The following MRPS9 variants were observed in gnomAD, a reference collection of about 807,000 sequenced individuals.
MRPS9 encodes the protein small ribosomal subunit protein uS9m.
MRPS9 carries 45 observed loss-of-function variants against 59.9 expected under a neutral mutation model. That is an observed-to-expected ratio of 0.75 (90% confidence interval 0.59 to 0.96). The LOEUF is 0.96. Ranked by LOEUF, MRPS9 falls within the 40% of genes least tolerant of loss-of-function variation. The pLI, the probability that MRPS9 is intolerant of heterozygous loss-of-function variation, is 0.00. For synonymous variants in MRPS9, 171 were observed against 166.8 expected (o/e 1.03, Z -0.19); for missense variants, 473 against 481.1 (o/e 0.98, Z 0.16).
intron 2 of MRPS9, among the ~76,000 whole-genome samples, chr2:105,069,183 T>G (rs1680059088): frequency 6.6e-6 from 1 of 151,846 alleles, no homozygotes; most frequent in Admixed American, 6.6e-5. Context: ...AGCCATATAC[T>G]TCTTTTACAA....
chr2:105,090,248 G>T (rs1038869981), intron 7 of MRPS9, among the ~76,000 whole-genome samples: 5 of 152,172 alleles, frequency 3.3e-5, no homozygotes, highest in African/African-American at 1.2e-4. Flanking sequence ...TCTTGTAAGT[G>T]CCCTCATATC....
At chr2:105,070,204 G>T (rs114113373) in intron 2 of MRPS9, among the ~76,000 whole-genome samples, 2,694 of 152,130 alleles carry the variant, frequency 0.018, 82 homozygotes, top group African/African-American at 0.062. Context: ...ATAACACCTG[G>T]CCTCATCCTC....
intron 2 of MRPS9, among the ~76,000 whole-genome samples, chr2:105,068,785 T>A (rs1185804455): frequency 1.3e-5 from 2 of 152,266 alleles, no homozygotes; most frequent in Non-Finnish European, 2.9e-5. Context: ...CTTTTCTGTC[T>A]GTTTTACAGC....
intron 5 of MRPS9, among the ~76,000 whole-genome samples, chr2:105,086,518 G>C (rs904974368): frequency 6.6e-6 from 1 of 152,156 alleles, no homozygotes; most frequent in African/African-American, 2.4e-5. Flanking sequence ...TAAAACTTAC[G>C]TACAAGATAG....
At position 105,038,103 on chromosome 2, in the gene MRPS9, C is replaced by T. The variant is rs780546114; in HGVS notation, c.11C>T (p.Pro4Leu). MAA[P>L]CVSYGGAVSY... is the part of the protein sequence containing the mutation. ...GCTCCCACAGCTAACATGGCGGCGC[C>T]CTGTGTGTCCTACGGCGGAGCAGTT... is the stretch of plus-strand genomic sequence containing the variant. The change falls in exon 1 of 11, where the codon CCC becomes CTC. Residue 4 changes from proline (P) to leucine (L), a missense_variant. Transcript: ENST00000258455. The T allele has an allele frequency of 1.9e-6, 3 of 1,613,902 alleles. No homozygotes were observed. Among genetic ancestry groups the T allele is most frequent in the Non-Finnish European group, 2.5e-6 (3 of 1,180,000 alleles).
At position 105,071,324 on chromosome 2, in the gene MRPS9, T is replaced by G; in HGVS notation, c.327T>G (p.Ala109=). 4 of 1,610,120 alleles carry G rather than the reference T, an allele frequency of 2.5e-6. No individual in the cohort carries two copies. The highest frequency in any genetic ancestry group is 1.1e-5 in the South Asian group (1 of 90,410). ...GTGTATATTTTCAGAGAGCTATTGC[T>G]TACCTTTTCCCAAGTGGTTTGTTTG... The part of the protein sequence containing the change: ...FTQEDIDRAI[A]YLFPSGLFEK... The change falls in exon 3 of 11, where the codon GCT becomes GCG. Residue 109 remains alanine (A), a synonymous_variant. Coordinates refer to ENST00000258455, the MANE Select transcript of MRPS9 (RefSeq NM_182640.3).
intron 9 of MRPS9, among the ~76,000 whole-genome samples, chr2:105,096,758 T>C (rs1422301882): frequency 2.0e-5 from 3 of 152,234 alleles, no homozygotes; most frequent in Non-Finnish European, 4.4e-5. Flanking sequence ...TGACATGTGA[T>C]AATTGTTTGG....
intron 1 of MRPS9, among the ~76,000 whole-genome samples, chr2:105,041,969 T>C (rs10207988): frequency 0.48 from 72,308 of 152,012 alleles, 17,381 homozygotes; most frequent in East Asian, 0.66. Context: ...ACTATCATTC[T>C]CACCTCTCTT....
chr2:105,091,984 A>G (rs1382033911), intron 7 of MRPS9: 11 of 156,042 alleles, frequency 7.0e-5, no homozygotes, highest in Admixed American at 5.7e-4. Flanking sequence ...TAAGAGGTAC[A>G]TTTTCTCAAA....
intron 2 of MRPS9, among the ~76,000 whole-genome samples, chr2:105,066,433 G>GC (rs1680002288): frequency 6.6e-6 from 1 of 152,156 alleles, no homozygotes. Context: ...TTGCCTGTAA[G>GC]CCCCAGACAT....
chr2:105,079,385 G>C (rs1384100960), intron 4 of MRPS9, among the ~76,000 whole-genome samples: 1 of 152,086 alleles, frequency 6.6e-6, no homozygotes, highest in African/African-American at 2.4e-5. Context: ...CCACTTCTCA[G>C]TTTGCTTGGT....
At position 105,049,157 on chromosome 2, in the gene MRPS9, A is replaced by G. The variant is rs118063241; in HGVS notation, c.136-14A>G. 661 of 1,505,796 alleles carry G rather than the reference A, an allele frequency of 4.4e-4. 3 individuals carry two copies. The East Asian group carries it at 0.014, about 31-fold the overall frequency. 93.3% of individuals were successfully genotyped at this position (1,505,796 alleles called of 1,614,324 possible). A position where few individuals can be genotyped will look rare whatever the true frequency, so the allele number is the denominator to read the frequency against. On this transcript the variant is annotated splice_polypyrimidine_tract_variant and intron_variant, in intron 1 of 10. Coordinates refer to ENST00000258455, the MANE Select transcript of MRPS9 (RefSeq NM_182640.3). ...AATTTATTTTCTTTTCTTTCCATCTATATTTTCTGTTAGATATTAAGGCTA... is the reference window on the plus strand; with the variant it reads ...AATTTATTTTCTTTTCTTTCCATCTGTATTTTCTGTTAGATATTAAGGCTA...
chr2:105,049,376 A>C, intron 2 of MRPS9, 26 bp downstream of exon 2: 1 of 1,584,176 alleles, frequency 6.3e-7, no homozygotes, highest in Non-Finnish European at 8.6e-7. Context: ...CTGTTGAAAA[A>C]GTAATTGCTG....
chr2:105,081,298 T>G (rs1680336267), intron 5 of MRPS9, among the ~76,000 whole-genome samples: 1 of 152,236 alleles, frequency 6.6e-6, no homozygotes, highest in Non-Finnish European at 1.5e-5. Context: ...GCTGACGCGC[T>G]AGGCCTGTCA....
intron 1 of MRPS9, among the ~76,000 whole-genome samples, chr2:105,045,623 T>C (rs1242556304): frequency 1.3e-5 from 2 of 152,122 alleles, no homozygotes; most frequent in Non-Finnish European, 2.9e-5. Context: ...AAAAAAAATA[T>C]TACATAGGAG....
At chr2:105,094,087 G>A (rs1454006177) in intron 9 of MRPS9, among the ~76,000 whole-genome samples, 4 of 152,098 alleles carry the variant, frequency 2.6e-5, no homozygotes, top group African/African-American at 7.2e-5. Flanking sequence ...TGTGGCTTGT[G>A]TATGTTTTTC....
At chr2:105,073,319 T>G (rs1338093834) in intron 4 of MRPS9, among the ~76,000 whole-genome samples, 1 of 152,164 alleles carries the variant, frequency 6.6e-6, no homozygotes, top group African/African-American at 2.4e-5. Context: ...AACTTCTATA[T>G]ATCCCTGCAA....
At chr2:105,075,362 G>C (rs1680189188) in intron 4 of MRPS9, among the ~76,000 whole-genome samples, 3 of 151,892 alleles carry the variant, frequency 2.0e-5, no homozygotes, top group Non-Finnish European at 4.4e-5. Context: ...AATAGAACCT[G>C]GTACCTGTCT....
At chr2:105,078,544 CTA>C (rs1487877779) in intron 4 of MRPS9, among the ~76,000 whole-genome samples, 1 of 152,088 alleles carries the variant, frequency 6.6e-6, no homozygotes, top group East Asian at 1.9e-4. Flanking sequence ...TTCATGAAGT[CTA>C]TGACAATGAT....
Sources: allele counts gnomAD v4.1 joint callset (sites outside exome capture counted in the v4.1 genomes callset), GRCh38; gene constraint gnomAD v4.1.1; transcripts MANE v1.5; gene names NCBI Gene and HGNC (gene_info 2026-07-23, HGNC 2026-07-21).